The following RASGRF2 variants were observed in gnomAD, a reference collection of about 807,000 sequenced individuals.
RASGRF2 encodes the protein Ras protein specific guanine nucleotide releasing factor 2, also known as ras-specific guanine nucleotide-releasing factor 2.
In RASGRF2, 76 loss-of-function variants were observed where a neutral mutation model predicts 151.0. The observed-to-expected ratio is 0.50, with a 90% CI of 0.42 to 0.61. The LOEUF (loss-of-function observed/expected upper bound fraction) is 0.61. RASGRF2 is among the 20% of genes least tolerant of loss of function. RASGRF2 has a pLI of 0.00. For missense variants in RASGRF2, 1,148 were observed against 1,564.6 expected, an observed-to-expected ratio of 0.73 and a Z score of 4.49; for synonymous variants, 504 against 566.5, an observed-to-expected ratio of 0.89 and a Z score of 1.57.
At chr5:81,223,748 TAAAG>T (rs1561267902) in intron 26 of RASGRF2, among the ~76,000 whole-genome samples, 2 of 151,460 alleles carry the variant, frequency 1.3e-5, no homozygotes, top group African/African-American at 4.8e-5. Flanking sequence ...TAATACGAGA[TAAAG>T]AAGGCACTCA....
intron 1 of RASGRF2, among the ~76,000 whole-genome samples, chr5:81,003,459 G>A (rs146195619): frequency 0.023 from 3,413 of 151,342 alleles, 117 homozygotes; most frequent in African/African-American, 0.078. Flanking sequence ...TACTGACCTC[G>A]TGATCTGCCC....
intron 10 of RASGRF2, among the ~76,000 whole-genome samples, chr5:81,093,198 G>A (rs569257779): frequency 2.2e-4 from 34 of 152,112 alleles, no homozygotes; most frequent in Non-Finnish European, 4.1e-4. Flanking sequence ...AATTAAAATC[G>A]TAACCTGGAC....
chr5:80,963,114 C>G (rs1043190004), intron 1 of RASGRF2, among the ~76,000 whole-genome samples: 2 of 152,176 alleles, frequency 1.3e-5, no homozygotes, highest in African/African-American at 4.8e-5. Flanking sequence ...TAAGAAGAAA[C>G]TGTGAAAATA....
intron 2 of RASGRF2, among the ~76,000 whole-genome samples, chr5:81,049,446 C>T (rs1032898249): frequency 6.6e-6 from 1 of 152,092 alleles, no homozygotes; most frequent in Non-Finnish European, 1.5e-5. Flanking sequence ...AGTCTTATCT[C>T]GAAATTTTCA....
chr5:81,218,483 C>A (rs1017340191), intron 25 of RASGRF2, among the ~76,000 whole-genome samples: 9 of 152,050 alleles, frequency 5.9e-5, no homozygotes, highest in African/African-American at 1.9e-4. Context: ...GTTTTTGTTT[C>A]TTTTGTTGAA....
At chr5:80,996,548 TCCCC>T (rs1561544953) in intron 1 of RASGRF2, among the ~76,000 whole-genome samples, 1 of 33,584 alleles carries the variant, frequency 3.0e-5, no homozygotes, top group South Asian at 3.0e-3. Flanking sequence ...CTCCTCCTCC[TCCCC>T]CTCCTCCTCC....
intron 1 of RASGRF2, among the ~76,000 whole-genome samples, chr5:80,995,693 C>CCCCCCCT (rs58481061): frequency 1.0e-5 from 1 of 97,336 alleles, no homozygotes; most frequent in Non-Finnish European, 2.0e-5. Flanking sequence ...TTCCCCCCCC[C>CCCCCCCT]TTTTTTTTTT....
chr5:81,140,563 T>A (rs577674095), intron 17 of RASGRF2, among the ~76,000 whole-genome samples: 2 of 152,176 alleles, frequency 1.3e-5, no homozygotes, highest in African/African-American at 4.8e-5. Flanking sequence ...AGAATGCTCA[T>A]GGCAGGTGGG....
intron 2 of RASGRF2, among the ~76,000 whole-genome samples, chr5:81,055,996 T>C (rs1282561515): frequency 3.9e-5 from 6 of 152,178 alleles, no homozygotes; most frequent in Admixed American, 2.6e-4. Flanking sequence ...TTTTTTATTG[T>C]GTCTATTTGA....
intron 17 of RASGRF2, among the ~76,000 whole-genome samples, chr5:81,178,376 T>C (rs1754831712): frequency 6.6e-6 from 1 of 152,200 alleles, no homozygotes; most frequent in Admixed American, 6.5e-5. Flanking sequence ...AGACAAAGTT[T>C]GGTGTAAAGG....
At position 81,185,390 on chromosome 5, in the gene RASGRF2, A is replaced by G. The variant is rs987933351; in HGVS notation, c.2793+5109A>G. On this transcript the variant is annotated intron_variant, in intron 18 of 26. Transcript: ENST00000265080. ...ACCAGATGGGTCCATGGGGAGTCCA[A>G]TCTGGATGGCCCTGCATCCTGCCCA... Among the ~76,000 whole-genome samples the G allele has an allele frequency of 6.6e-5, 10 of 152,232 alleles. 1 individual carries two copies. The highest frequency in any genetic ancestry group is 2.2e-4 in the African/African-American group (9 of 41,462).
At chr5:81,113,941 A>G in intron 15 of RASGRF2, 21 bp downstream of exon 15, 1 of 1,595,634 alleles carries the variant, frequency 6.3e-7, no homozygotes, top group South Asian at 1.1e-5. Flanking sequence ...GCACATTTGC[A>G]TAATTACACC....
chr5:81,000,981 A>G (rs1307972764), intron 1 of RASGRF2, among the ~76,000 whole-genome samples: 1 of 152,228 alleles, frequency 6.6e-6, no homozygotes, highest in African/African-American at 2.4e-5. Flanking sequence ...GCACCAGTGA[A>G]TGCAGTCTCA....
chr5:81,129,371 T>C lies in RASGRF2; in HGVS notation c.2686+2208T>C, dbSNP rs73128831. ...AGGTATTATCTGTGTGATTTTTTTTTTCCAAATTGAGGACCAAAAAGAGAT... is the reference window on the plus strand; with the variant it reads ...AGGTATTATCTGTGTGATTTTTTTTCTCCAAATTGAGGACCAAAAAGAGAT... On this transcript the variant is annotated intron_variant, in intron 17 of 26. Transcript: ENST00000265080. Among the ~76,000 whole-genome samples, 694 of 152,290 alleles carry C rather than the reference T, an allele frequency of 4.6e-3. 7 individuals are homozygous for C. The highest frequency in any genetic ancestry group is 0.016 in the African/African-American group (655 of 41,568).
Position 81,227,590 on chromosome 5 carries a change from T to C in RASGRF2, c.*1820T>C, listed in dbSNP as rs1226499980. The C allele has an allele frequency of 6.6e-6, 1 of 152,240 alleles. No homozygotes were observed. The highest frequency in any genetic ancestry group is 1.5e-5 in the Non-Finnish European group (1 of 68,046). The allele number at this position is 152,240 out of a possible 1,614,324, so 9.4% of individuals were successfully genotyped here. A position where few individuals can be genotyped will look rare whatever the true frequency, so the allele number is the denominator to read the frequency against. ...TCCTAACAACGCATAACTTGTGATTTATTTCTCAGTGCTCCAGAAACTGAG... is the reference window on the plus strand; with the variant it reads ...TCCTAACAACGCATAACTTGTGATTCATTTCTCAGTGCTCCAGAAACTGAG... On this transcript the variant is annotated 3_prime_UTR_variant, in exon 27 of 27. Coordinates refer to ENST00000265080, the MANE Select transcript of RASGRF2 (RefSeq NM_006909.3).
Position 80,961,000 on chromosome 5 carries a change from G to A in RASGRF2, c.262G>A (p.Gly88Ser). Residue 88 changes from glycine (G) to serine (S), a missense_variant, in exon 1 of 27, where the codon GGC becomes AGC. Physicochemically the swap from Gly to Ser is moderately conservative, Grantham distance 56. Coordinates refer to ENST00000265080, the MANE Select transcript of RASGRF2 (RefSeq NM_006909.3). The surrounding 1 kb of genome is among the most constrained non-coding windows in gnomAD (Gnocchi z 5.5). ...APPRAGAGQG[G>S]VRDALDKQYY... ...ACCCAGGGCCGGCGCCGGGCAGGGA[G>A]GCGTCCGAGACGCGCTGGACAAGCA... The A allele has an allele frequency of 6.5e-7, 1 of 1,526,910 alleles. No individual in the cohort carries two copies. Among genetic ancestry groups the A allele is most frequent in the South Asian group, 1.2e-5 (1 of 81,894 alleles). 94.6% of individuals were successfully genotyped at this position (1,526,910 alleles called of 1,614,324 possible). A position where few individuals can be genotyped will look rare whatever the true frequency, so the allele number is the denominator to read the frequency against.
At chr5:81,202,226 C>T (rs77381357) in intron 19 of RASGRF2, among the ~76,000 whole-genome samples, 420 of 152,254 alleles carry the variant, frequency 2.8e-3, no homozygotes, top group African/African-American at 9.7e-3. Context: ...GTCCTCTGTC[C>T]GTGCTTGGGG....
intron 18 of RASGRF2, among the ~76,000 whole-genome samples, chr5:81,181,472 C>G (rs895849085): frequency 3.3e-5 from 5 of 152,304 alleles, no homozygotes; most frequent in African/African-American, 1.2e-4. Context: ...ATTTAATCCT[C>G]TATGATTCAA....
chr5:81,173,721 G>A (rs938794703), intron 17 of RASGRF2, among the ~76,000 whole-genome samples: 1 of 152,188 alleles, frequency 6.6e-6, no homozygotes, highest in Non-Finnish European at 1.5e-5. Context: ...TACTTGAGTT[G>A]GAGGAGTAAC....
Sources: allele counts gnomAD v4.1 joint callset (sites outside exome capture counted in the v4.1 genomes callset), GRCh38; gene constraint gnomAD v4.1.1; non-coding constraint Gnocchi (gnomAD v3.1); transcripts MANE v1.5; gene names NCBI Gene and HGNC (gene_info 2026-07-23, HGNC 2026-07-21).